FRMD6: variants seen among roughly 807,000 people sequenced by gnomAD.
FRMD6 encodes the protein FERM domain-containing protein 6.
Under a neutral mutation model 73.2 loss-of-function variants are expected in FRMD6, and 37 were observed. That is an observed-to-expected ratio of 0.51 (90% CI 0.39 to 0.66). FRMD6 has a LOEUF of 0.66. Ranked by LOEUF, FRMD6 falls within the 30% of genes least tolerant of loss-of-function variation. The pLI is 0.00. For missense variants in FRMD6, 714 were observed against 780.5 expected, an observed-to-expected ratio of 0.91 and a Z score of 1.02; for synonymous variants, 273 against 282.2, an observed-to-expected ratio of 0.97 and a Z score of 0.33.
intron 2 of FRMD6, among the ~76,000 whole-genome samples, chr14:51,602,078 T>C (rs955200153): frequency 1.3e-5 from 2 of 152,200 alleles, no homozygotes; most frequent in Non-Finnish European, 2.9e-5. Flanking sequence ...CATGTTCTTT[T>C]AAATGGAAAT....
the FRMD6 span, among the ~76,000 whole-genome samples, chr14:51,446,576 G>A: frequency 6.6e-6 from 1 of 152,108 alleles, no homozygotes; most frequent in South Asian, 2.1e-4. Flanking sequence ...AGACAATATG[G>A]TTGTCATTTT....
intron 1 of FRMD6, among the ~76,000 whole-genome samples, chr14:51,554,451 C>T (rs903300539): frequency 6.6e-6 from 1 of 152,116 alleles, no homozygotes; most frequent in Non-Finnish European, 1.5e-5. Flanking sequence ...AGTAACTTTA[C>T]AGTGGGGAAA....
chr14:51,626,584 G>T lies in FRMD6; in HGVS notation c.-147+56174G>T, dbSNP rs74672965. 2.6e-3 allele frequency among the ~76,000 whole-genome samples: 401 copies of T among 152,220 alleles called. 1 individual carries two copies. Among genetic ancestry groups the T allele is most frequent in the African/African-American group, 9.0e-3 (374 of 41,520 alleles). ...TCCCAAATACAGTGCCTTCTATATA[G>T]CAGGCTCTCAATAAACAGAAGTTGC... is the stretch of plus-strand genomic sequence containing the variant. On this transcript the variant is annotated intron_variant, in intron 2 of 14. Coordinates refer to the FRMD6 transcript ENST00000356218.
chr14:51,665,755 A>G (rs189563204), intron 1 of FRMD6, among the ~76,000 whole-genome samples: 3 of 152,250 alleles, frequency 2.0e-5, no homozygotes, highest in Admixed American at 2.0e-4. Context: ...ACTTAGTGGG[A>G]GGTAATTGAA....
chr14:51,665,993 T>G (rs546767142), intron 1 of FRMD6, among the ~76,000 whole-genome samples: 1 of 152,352 alleles, frequency 6.6e-6, no homozygotes, highest in Non-Finnish European at 1.5e-5. Context: ...CAGGTATGTC[T>G]TTATCAGCAG....
chr14:51,425,497 C>T, the FRMD6 span, among the ~76,000 whole-genome samples: 1 of 152,154 alleles, frequency 6.6e-6, no homozygotes, highest in Non-Finnish European at 1.5e-5. Flanking sequence ...ATATCTTCTT[C>T]TGGGCGCCCA....
At chr14:51,710,302 A>T (rs1437373808) in intron 7 of FRMD6, among the ~76,000 whole-genome samples, 1 of 152,142 alleles carries the variant, frequency 6.6e-6, no homozygotes, top group Non-Finnish European at 1.5e-5. Context: ...AATCTGCTTC[A>T]TTTAGGAGCT....
Position 51,726,842 on chromosome 14 carries a change from C to T in FRMD6, c.1585-903C>T, listed in dbSNP as rs113152977. ...ATGTGACACTTCCTAGTAAAACATG[C>T]TTCTGGAACTTTTGCCTCTAGCAAA... On this transcript the variant is annotated intron_variant, in intron 13 of 13. Coordinates refer to ENST00000344768, the MANE Select transcript of FRMD6 (RefSeq NM_001267046.2). 2.8e-3 allele frequency among the ~76,000 whole-genome samples: 425 copies of T among 152,292 alleles called. 1 individual carries two copies. Among genetic ancestry groups the T allele is most frequent in the African/African-American group, 9.6e-3 (399 of 41,550 alleles).
the FRMD6 span, among the ~76,000 whole-genome samples, chr14:51,411,755 TG>T: frequency 6.6e-6 from 1 of 152,208 alleles, no homozygotes; most frequent in Admixed American, 6.5e-5. Context: ...ATAATTGGTT[TG>T]TGTGTATGTA....
chr14:51,654,617 A>C (rs575087237), intron 1 of FRMD6, among the ~76,000 whole-genome samples: 70 of 151,962 alleles, frequency 4.6e-4, no homozygotes, highest in Middle Eastern at 6.8e-3. Flanking sequence ...CCTGCAAACA[A>C]TTATTTTATT....
At chr14:51,396,617 C>T in the FRMD6 span, among the ~76,000 whole-genome samples, 4 of 152,304 alleles carry the variant, frequency 2.6e-5, no homozygotes, top group East Asian at 1.9e-4. Context: ...CACACAGACA[C>T]GTCCAGAGGT....
intron 13 of FRMD6, among the ~76,000 whole-genome samples, chr14:51,727,027 T>TA (rs112151121): frequency 0.013 from 1,958 of 151,890 alleles, 37 homozygotes; most frequent in African/African-American, 0.045. Flanking sequence ...CTTGGGATAA[T>TA]AAAAAAAAGT....
chr14:51,623,421 C>T (rs535042044), intron 2 of FRMD6, among the ~76,000 whole-genome samples: 3 of 152,264 alleles, frequency 2.0e-5, no homozygotes, highest in African/African-American at 7.2e-5. Flanking sequence ...GATTATGAAA[C>T]CTAGACCTCT....
intron 1 of FRMD6, among the ~76,000 whole-genome samples, chr14:51,547,410 C>T (rs1886534557): frequency 6.6e-6 from 1 of 152,136 alleles, no homozygotes; most frequent in South Asian, 2.1e-4. Flanking sequence ...ATTCCTAACC[C>T]TCCTCATGGA....
At chr14:51,449,520 C>G in the FRMD6 span, among the ~76,000 whole-genome samples, 2 of 152,146 alleles carry the variant, frequency 1.3e-5, no homozygotes, top group African/African-American at 4.8e-5. Flanking sequence ...GCCCACTGTT[C>G]CAGAGAAGGC....
chr14:51,656,704 G>C (rs371317379), intron 1 of FRMD6, among the ~76,000 whole-genome samples: 2 of 152,114 alleles, frequency 1.3e-5, no homozygotes, highest in Non-Finnish European at 2.9e-5. Context: ...GAGCCACCGC[G>C]CCCGGCTAGC....
chr14:51,544,011 A>T (rs187082397), intron 1 of FRMD6, among the ~76,000 whole-genome samples: 1 of 152,120 alleles, frequency 6.6e-6, no homozygotes, highest in East Asian at 1.9e-4. Context: ...TTTCAAACAT[A>T]TAAAAAATTC....
rs34108011 is a variant in FRMD6 at position 51,603,944 on chromosome 14, CAAA to C, written c.-147+33547_-147+33549del. 1.4e-3 allele frequency among the ~76,000 whole-genome samples: 203 copies of C among 142,752 alleles called. 1 individual carries two copies. In the Middle Eastern group the frequency reaches 0.015, roughly 10 times the overall value. 93.7% of individuals were successfully genotyped at this position (142,752 alleles called of 152,430 possible). On this transcript the variant is annotated intron_variant, in intron 2 of 14. Transcript: ENST00000356218. Reference sequence around the variant, plus strand: ...TTCCACGGTAATTTCTCTTGTGATACAAAAAAAAAAAAAAAGTCCCTAAGATGA... The same window carrying C: ...TTCCACGGTAATTTCTCTTGTGATACAAAAAAAAAAAAGTCCCTAAGATGA...
intron 2 of FRMD6, among the ~76,000 whole-genome samples, chr14:51,617,788 C>G (rs1346193938): frequency 6.6e-6 from 1 of 152,030 alleles, no homozygotes; most frequent in African/African-American, 2.4e-5. Context: ...ACCACCTTTC[C>G]TAACTTATTT....
Sources: gnomAD v4.1 joint callset for allele counts (sites outside exome capture counted in the v4.1 genomes callset) on GRCh38, gnomAD v4.1.1 for gene constraint, MANE v1.5 for transcripts, NCBI Gene and HGNC (gene_info 2026-07-23, HGNC 2026-07-21) for gene names.